Variants in ANKRD28 observed in about 807,000 individuals in gnomAD.
ANKRD28 encodes serine/threonine-protein phosphatase 6 regulatory ankyrin repeat subunit A.
A neutral mutation model predicts 126.5 loss-of-function variants in ANKRD28; 44 were observed. The observed-to-expected ratio is 0.35, with a 90% CI of 0.27 to 0.45. The LOEUF is 0.45. ANKRD28 is among the 20% of genes least tolerant of loss of function. ANKRD28 has a pLI of 1.00. For missense variants in ANKRD28, 1,110 were observed against 1,316.6 expected, an observed-to-expected ratio of 0.84 and a Z score of 2.43; for synonymous variants, 442 against 468.5, an observed-to-expected ratio of 0.94 and a Z score of 0.73.
chr3:15,796,616 C>A lies in ANKRD28; in HGVS notation c.-95G>T, dbSNP rs996325629. 5.5e-6 allele frequency: 6 copies of A among 1,097,276 alleles called. No individual in the cohort carries two copies. Among genetic ancestry groups the A allele is most frequent in the Non-Finnish European group, 5.6e-6 (5 of 888,114 alleles). The allele number at this position is 1,097,276 out of a possible 1,614,324, so 68.0% of individuals were successfully genotyped here. A position where few individuals can be genotyped will look rare whatever the true frequency, so the allele number is the denominator to read the frequency against. Reference sequence around the variant, plus strand: ...TTCCTCCTCTTCTGTACAACACTTACAAACATTCTCTGAACAGCACAGCTG... The same window carrying A: ...TTCCTCCTCTTCTGTACAACACTTAAAAACATTCTCTGAACAGCACAGCTG... On this transcript the variant is annotated 5_prime_UTR_variant, in exon 1 of 28. Transcript: ENST00000683139.
At position 15,854,989 on chromosome 3, in the gene ANKRD28, C is replaced by A. The variant is rs1032095172; in HGVS notation, c.27+4388G>T. 4.6e-5 allele frequency among the ~76,000 whole-genome samples: 7 copies of A among 152,144 alleles called. No homozygotes were observed. Among genetic ancestry groups the A allele is most frequent in the Non-Finnish European group, 1.0e-4 (7 of 68,032 alleles). On this transcript the variant is annotated intron_variant, in intron 1 of 27. Transcript: ENST00000399451. This position sits in a 1 kb window ranked among gnomAD's most constrained non-coding sequence, Gnocchi z 4.1. The stretch of plus-strand genomic sequence containing the variant: ...GCTTGAACTAGGGAGGCAGAGGTTG[C>A]AATGCGCCAAGATCGTGCCGCTGCA...
chr3:15,810,031 C>A (rs1054291655), intron 1 of ANKRD28, among the ~76,000 whole-genome samples: 1 of 152,000 alleles, frequency 6.6e-6, no homozygotes, highest in Admixed American at 6.6e-5. Context: ...TAGACAGCAG[C>A]GAGATCATGA....
chr3:15,841,344 G>A (rs1267896359), intron 1 of ANKRD28, among the ~76,000 whole-genome samples: 4 of 152,130 alleles, frequency 2.6e-5, no homozygotes, highest in Non-Finnish European at 5.9e-5. Flanking sequence ...ATGGACAAAT[G>A]GGGTCACATC....
At chr3:15,828,092 TTTAGAG>T (rs1194051748) in intron 1 of ANKRD28, among the ~76,000 whole-genome samples, 11 of 152,188 alleles carry the variant, frequency 7.2e-5, no homozygotes, top group Admixed American at 3.9e-4. Flanking sequence ...CTGAAAGTTA[TTTAGAG>T]TTAATGTATA....
intron 3 of ANKRD28, among the ~76,000 whole-genome samples, chr3:15,757,524 T>A (rs111257981): frequency 4.6e-5 from 7 of 152,316 alleles, no homozygotes; most frequent in African/African-American, 1.7e-4. Context: ...AACCCCAATG[T>A]CATGGTATTA....
intron 4 of ANKRD28, among the ~76,000 whole-genome samples, chr3:15,748,124 T>C (rs1243008740): frequency 6.6e-6 from 1 of 152,208 alleles, no homozygotes; most frequent in Admixed American, 6.5e-5. Context: ...AGAAACTTGG[T>C]TGGTGAATTC....
rs2060842263 is a variant in ANKRD28, at chr3:15,816,875, AC to A, written c.28-21570del. On this transcript the variant is annotated intron_variant, in intron 1 of 27. Transcript: ENST00000399451. The surrounding 1 kb of genome is among the most constrained non-coding windows in gnomAD (Gnocchi z 5.0). Reference sequence around the variant, plus strand: ...TGCATAGATTAATCATAGAGTTAAAACACATCTGAAAACCCATCTCTATTAA... The same window carrying A: ...TGCATAGATTAATCATAGAGTTAAAAACATCTGAAAACCCATCTCTATTAA... 6.6e-6 allele frequency among the ~76,000 whole-genome samples: 1 copy of A among 152,200 alleles called. No individual in the cohort carries two copies. Among genetic ancestry groups the A allele is most frequent in the South Asian group, 2.1e-4 (1 of 4,830 alleles).
At chr3:15,851,437 G>A (rs534676872) in intron 1 of ANKRD28, among the ~76,000 whole-genome samples, 177 of 152,118 alleles carry the variant, frequency 1.2e-3, no homozygotes, top group African/African-American at 3.8e-3. Flanking sequence ...CCAGCTACTT[G>A]GGGGGCTGAG....
intron 1 of ANKRD28, among the ~76,000 whole-genome samples, chr3:15,828,242 T>C (rs1271817082): frequency 6.6e-6 from 1 of 152,146 alleles, no homozygotes. Context: ...AAATAAGTTA[T>C]TTTCTAGAGG....
intron 26 of ANKRD28, 103 bp downstream of exon 26, chr3:15,676,871 G>T: frequency 1.2e-6 from 1 of 867,724 alleles, no homozygotes; most frequent in South Asian, 1.8e-5. Context: ...TTGCTTCTAT[G>T]ACTAATGAAA....
intron 17 of ANKRD28, 31 bp downstream of exon 17, chr3:15,694,708 C>A: frequency 6.3e-7 from 1 of 1,588,684 alleles, no homozygotes; most frequent in Non-Finnish European, 8.6e-7. Context: ...AAACCAGCAG[C>A]CATCAAGTCG....
chr3:15,786,764 A>G (rs1341782390), intron 2 of ANKRD28, among the ~76,000 whole-genome samples: 1 of 152,104 alleles, frequency 6.6e-6, no homozygotes, highest in Non-Finnish European at 1.5e-5. Flanking sequence ...CAACATCTGT[A>G]TAAGTAACCA....
rs1190706009 is a variant in ANKRD28 at position 15,751,029 on chromosome 3, C to T, written c.351+721G>A. ...GAATACACATTATAAAGTAAAATAA[C>T]AGAAAAAAAAAAAAGATGATTCAGG... On this transcript the variant is annotated intron_variant, in intron 4 of 27. Transcript: ENST00000683139. Among the ~76,000 whole-genome samples the T allele has an allele frequency of 3.4e-5, 5 of 147,316 alleles. No individual in the cohort carries two copies. In the East Asian group the frequency reaches 7.9e-4, roughly 23 times the overall value.
At chr3:15,818,487 T>C (rs904388838) in intron 1 of ANKRD28, among the ~76,000 whole-genome samples, 1 of 152,254 alleles carries the variant, frequency 6.6e-6, no homozygotes, top group Non-Finnish European at 1.5e-5. Context: ...ATTACATTTA[T>C]GCAAATATTC....
intron 10 of ANKRD28, 70 bp from the exon 11 acceptor site, chr3:15,712,292 C>T: frequency 8.2e-7 from 1 of 1,213,920 alleles, no homozygotes; most frequent in South Asian, 1.3e-5. Context: ...AAATACATTA[C>T]AAAGAGACCA....
chr3:15,854,561 A>G lies in ANKRD28; in HGVS notation c.27+4816T>C, dbSNP rs190532851. Reference sequence around the variant, plus strand: ...GTATCCAAAAAGTGAGGAAACACAGAACTTGTTTTTGAACTGTATGTTACA... The same window carrying G: ...GTATCCAAAAAGTGAGGAAACACAGGACTTGTTTTTGAACTGTATGTTACA... On this transcript the variant is annotated intron_variant, in intron 1 of 27. Transcript: ENST00000399451. This position sits in a 1 kb window ranked among gnomAD's most constrained non-coding sequence, Gnocchi z 4.1. 1.8e-3 allele frequency among the ~76,000 whole-genome samples: 272 copies of G among 152,370 alleles called. No homozygotes were observed. Among genetic ancestry groups the G allele is most frequent in the Admixed American group, 2.7e-3 (42 of 15,310 alleles).
In ANKRD28 at chr3:15,676,006, G is replaced by C; in HGVS notation, c.2874-17C>G. 6.2e-7 allele frequency: 1 copy of C among 1,604,940 alleles called. No homozygotes were observed. Among genetic ancestry groups the C allele is most frequent in the Non-Finnish European group, 8.5e-7 (1 of 1,174,160 alleles). The stretch of plus-strand genomic sequence containing the variant: ...TGCAGAGGTCTAGGGGAAAAAACAT[G>C]ATACATGTACACATATGTGCATGTG... On this transcript the variant is annotated splice_polypyrimidine_tract_variant and intron_variant, in intron 26 of 27. Coordinates refer to ENST00000683139, the MANE Select transcript of ANKRD28 (RefSeq NM_001349278.2).
chr3:15,757,879 A>G (rs1025228563), intron 3 of ANKRD28, among the ~76,000 whole-genome samples: 12 of 152,290 alleles, frequency 7.9e-5, no homozygotes, highest in Admixed American at 2.6e-4. Flanking sequence ...CCTAATTTGT[A>G]AAGTTTTACT....
intron 1 of ANKRD28, among the ~76,000 whole-genome samples, chr3:15,820,549 T>C (rs2060921388): frequency 6.6e-6 from 1 of 152,194 alleles, no homozygotes; most frequent in African/African-American, 2.4e-5. Context: ...AGGAAACTAA[T>C]CATATGCAAT....
Sources: gnomAD v4.1 joint callset for allele counts (sites outside exome capture counted in the v4.1 genomes callset) on GRCh38, gnomAD v4.1.1 for gene constraint, Gnocchi (gnomAD v3.1) non-coding constraint, MANE v1.5 for transcripts, NCBI Gene and HGNC (gene_info 2026-07-23, HGNC 2026-07-21) for gene names.